Variants in ZNF385D observed in about 807,000 individuals in gnomAD.
ZNF385D encodes zinc finger protein 385D.
Under a neutral mutation model 35.8 loss-of-function variants are expected in ZNF385D, and 15 were observed. That is an observed-to-expected ratio of 0.42 (90% CI 0.28 to 0.64). ZNF385D has a LOEUF of 0.64. Among genes scored for constraint, ZNF385D ranks in the 30% least tolerant of loss-of-function variants. ZNF385D has a pLI of 0.23. For synonymous variants in ZNF385D, 212 were observed against 186.8 expected (o/e 1.13, Z -1.10); for missense variants, 474 against 494.6 (o/e 0.96, Z 0.39).
chr3:22,267,454 C>T (rs138021665), intron 2 of ZNF385D, among the ~76,000 whole-genome samples: 26 of 151,568 alleles, frequency 1.7e-4, no homozygotes, highest in African/African-American at 5.3e-4. Flanking sequence ...TTGCATGTAT[C>T]AGCAATTATA....
At chr3:21,711,037 A>C (rs1252673484) in intron 1 of ZNF385D, among the ~76,000 whole-genome samples, 1 of 67,022 alleles carries the variant, frequency 1.5e-5, no homozygotes, top group Non-Finnish European at 2.9e-5. Flanking sequence ...ATCCCTCTAA[A>C]AGTTTTTTTT....
chr3:22,182,770 T>C lies in ZNF385D; in HGVS notation c.107-13735A>G, dbSNP rs113791558. 3.8e-3 allele frequency among the ~76,000 whole-genome samples: 578 copies of C among 152,246 alleles called. 6 individuals are homozygous for C. Among genetic ancestry groups the C allele is most frequent in the African/African-American group, 0.013 (531 of 41,562 alleles). ...AAAAGAATCCAAATTGAAAATTACT[T>C]ATAGCAGTTATTATAAATAAAAATG... On this transcript the variant is annotated intron_variant, in intron 2 of 5. Coordinates refer to the ZNF385D transcript ENST00000494108.
At chr3:21,793,017 C>T (rs1351146535) in intron 3 of ZNF385D, among the ~76,000 whole-genome samples, 1 of 152,144 alleles carries the variant, frequency 6.6e-6, no homozygotes, top group African/African-American at 2.4e-5. Context: ...CTTTTGAGGG[C>T]TGTAGGGAGT....
intron 1 of ZNF385D, among the ~76,000 whole-genome samples, chr3:21,711,680 C>T (rs13083943): frequency 6.6e-6 from 1 of 151,952 alleles, no homozygotes; most frequent in Admixed American, 6.6e-5. Flanking sequence ...TCCAAGTAAT[C>T]TGGATGTTTA....
chr3:22,039,083 C>A (rs993158049), intron 3 of ZNF385D, among the ~76,000 whole-genome samples: 3 of 151,418 alleles, frequency 2.0e-5, no homozygotes, highest in Non-Finnish European at 4.4e-5. Context: ...TAATTACAAA[C>A]GATCCCTATG....
intron 3 of ZNF385D, among the ~76,000 whole-genome samples, chr3:21,553,477 T>A (rs1420990438): frequency 6.6e-6 from 1 of 152,184 alleles, no homozygotes; most frequent in African/African-American, 2.4e-5. Flanking sequence ...CAAGACATAA[T>A]GTTTTTGCTG....
In ZNF385D at chr3:22,293,695, G is replaced by A. The variant is rs190492500; in HGVS notation, c.106+78755C>T. On this transcript the variant is annotated intron_variant, in intron 2 of 5. Coordinates refer to the ZNF385D transcript ENST00000494108. ...CATGACTCCCAGCTCTTACTTCCCC[G>A]TGTTGAATGTGGTTCTCAAAGACTG... Among the ~76,000 whole-genome samples, 881 of 152,162 alleles carry A rather than the reference G, an allele frequency of 5.8e-3. 9 individuals carry two copies. The highest frequency in any genetic ancestry group is 0.049 in the South Asian group (238 of 4,828).
chr3:21,708,630 A>G (rs2067992107), intron 1 of ZNF385D, among the ~76,000 whole-genome samples: 2 of 152,138 alleles, frequency 1.3e-5, no homozygotes, highest in South Asian at 4.1e-4. Flanking sequence ...ATCATTTTCT[A>G]TGTTTTTACA....
At chr3:22,128,849 T>C (rs1382252635) in intron 3 of ZNF385D, among the ~76,000 whole-genome samples, 1 of 152,202 alleles carries the variant, frequency 6.6e-6, no homozygotes, top group East Asian at 1.9e-4. Context: ...CTATTTTGAA[T>C]GCTGAAAGGT....
At chr3:22,146,419 G>A (rs1307175410) in intron 3 of ZNF385D, among the ~76,000 whole-genome samples, 2 of 152,056 alleles carry the variant, frequency 1.3e-5, no homozygotes, top group African/African-American at 2.4e-5. Flanking sequence ...TTTTTTGTAT[G>A]TTTTTGTTTG....
intron 4 of ZNF385D, among the ~76,000 whole-genome samples, chr3:21,510,026 T>A (rs569795416): frequency 6.6e-6 from 1 of 152,358 alleles, no homozygotes; most frequent in Non-Finnish European, 1.5e-5. Flanking sequence ...GGTGATGATA[T>A]GAACGTTTCC....
chr3:22,197,754 T>C (rs913358478), intron 2 of ZNF385D, among the ~76,000 whole-genome samples: 19 of 152,136 alleles, frequency 1.2e-4, no homozygotes, highest in Non-Finnish European at 2.5e-4. Context: ...CTGGGACTCA[T>C]GACCCTGCAT....
intron 2 of ZNF385D, among the ~76,000 whole-genome samples, chr3:22,359,040 G>A (rs1236376636): frequency 7.5e-5 from 10 of 133,366 alleles, no homozygotes; most frequent in African/African-American, 1.0e-4. Context: ...TTGACTACCC[G>A]TATTAAAACA....
intron 3 of ZNF385D, among the ~76,000 whole-genome samples, chr3:22,148,156 A>T (rs1008778525): frequency 2.0e-5 from 3 of 152,154 alleles, no homozygotes; most frequent in African/African-American, 7.2e-5. Flanking sequence ...AATTCAAGGA[A>T]ACTCAACCAG....
intron 3 of ZNF385D, among the ~76,000 whole-genome samples, chr3:22,122,295 T>C (rs895518923): frequency 1.3e-5 from 2 of 152,152 alleles, no homozygotes; most frequent in Non-Finnish European, 2.9e-5. Flanking sequence ...GCTGAAGTCA[T>C]CAAAGGGTTT....
chr3:22,245,070 A>AGTCTTC (rs1369435059), intron 2 of ZNF385D, among the ~76,000 whole-genome samples: 1 of 152,164 alleles, frequency 6.6e-6, no homozygotes, highest in African/African-American at 2.4e-5. Context: ...ATGCTGTATA[A>AGTCTTC]GTCTTCATTC....
chr3:21,858,833 A>T (rs938936425), intron 3 of ZNF385D, among the ~76,000 whole-genome samples: 1 of 152,082 alleles, frequency 6.6e-6, no homozygotes, highest in African/African-American at 2.4e-5. Context: ...GGATTGCATC[A>T]TTAATTCAAT....
At chr3:21,978,272 A>T (rs1460418347) in intron 3 of ZNF385D, 1 of 152,224 alleles carries the variant, frequency 6.6e-6, no homozygotes, top group Non-Finnish European at 1.5e-5. Context: ...TACATTCACC[A>T]ATCAGGCACT....
chr3:22,226,823 T>C (rs749055303), intron 2 of ZNF385D, among the ~76,000 whole-genome samples: 13 of 152,194 alleles, frequency 8.5e-5, no homozygotes, highest in Non-Finnish European at 1.6e-4. Flanking sequence ...TGACATTAGT[T>C]AGCAGGTAGG....
Sources: gnomAD v4.1 joint callset for allele counts (sites outside exome capture counted in the v4.1 genomes callset) on GRCh38, gnomAD v4.1.1 for gene constraint, MANE v1.5 for transcripts, NCBI Gene and HGNC (gene_info 2026-07-23, HGNC 2026-07-21) for gene names.